The following EYS variants were observed in gnomAD, a reference collection of about 807,000 sequenced individuals.
EYS encodes the protein protein eyes shut homolog.
A neutral mutation model predicts 282.1 loss-of-function variants in EYS; 250 were observed. The ratio of observed to expected loss-of-function variants is 0.89; its 90% CI spans 0.80 to 0.98. EYS has a LOEUF of 0.98. Among genes scored for constraint, EYS ranks in the 50% least tolerant of loss-of-function variants. The pLI, the probability that EYS is intolerant of heterozygous loss-of-function variation, is 0.00. For missense variants in EYS, 4,016 were observed against 3,709.0 expected (o/e 1.08, Z -2.15); for synonymous variants, 1,355 against 1,282.9 (o/e 1.06, Z -1.20).
intron 26 of EYS, among the ~76,000 whole-genome samples, chr6:64,545,392 T>C (rs1258732226): frequency 6.6e-6 from 1 of 152,172 alleles, no homozygotes; most frequent in African/African-American, 2.4e-5. Flanking sequence ...GAGCTATCTA[T>C]GACAAACCCA....
At chr6:64,877,238 T>C (rs1052234425) in intron 19 of EYS, among the ~76,000 whole-genome samples, 7 of 152,248 alleles carry the variant, frequency 4.6e-5, no homozygotes, top group African/African-American at 1.7e-4. Flanking sequence ...TGCCATCCAC[T>C]GAGGTGGACA....
intron 26 of EYS, among the ~76,000 whole-genome samples, chr6:64,482,761 G>T (rs186607427): frequency 6.6e-6 from 1 of 151,636 alleles, no homozygotes; most frequent in Non-Finnish European, 1.5e-5. Context: ...TTTGCATCTG[G>T]TGGGAACTAA....
intron 12 of EYS, among the ~76,000 whole-genome samples, chr6:65,114,701 T>G (rs1189818913): frequency 6.6e-6 from 1 of 151,932 alleles, no homozygotes; most frequent in African/African-American, 2.4e-5. Flanking sequence ...TTATCCCTCT[T>G]TGATGACAGT....
chr6:65,679,661 A>G (rs1015846327), intron 1 of EYS, among the ~76,000 whole-genome samples: 1 of 151,980 alleles, frequency 6.6e-6, no homozygotes, highest in Non-Finnish European at 1.5e-5. Context: ...CTGTATAACT[A>G]AAAAACTGTT....
rs73445180 is a variant in EYS at position 65,429,234 on chromosome 6, A to T, written c.863-23867T>A. The stretch of plus-strand genomic sequence containing the variant: ...TGTAGCAACAGTTAACTGGAAGAGA[A>T]ATTACCAGGGGCCAGTGCATGGTGT... On this transcript the variant is annotated intron_variant, in intron 5 of 42. Transcript: ENST00000503581. Among the ~76,000 whole-genome samples the T allele has an allele frequency of 5.1e-3, 783 of 152,208 alleles. 7 individuals are homozygous for T. Among genetic ancestry groups the T allele is most frequent in the African/African-American group, 0.017 (719 of 41,546 alleles).
rs78215526 is a variant in EYS, at chr6:64,834,999, G to A, written c.2993-12177C>T. ...TCTGATTTAAAATGAGTGGCCCAATGTGTGTTATGCAGAAATAAAAGGAGT... is the reference window on the plus strand; with the variant it reads ...TCTGATTTAAAATGAGTGGCCCAATATGTGTTATGCAGAAATAAAAGGAGT... On this transcript the variant is annotated intron_variant, in intron 19 of 42. Transcript: ENST00000503581. 1.0e-3 allele frequency among the ~76,000 whole-genome samples: 159 copies of A among 151,734 alleles called. 1 individual carries two copies. The highest frequency in any genetic ancestry group is 3.4e-3 in the African/African-American group (143 of 41,464).
At chr6:63,784,974 G>A (rs1054522218) in intron 39 of EYS, among the ~76,000 whole-genome samples, 4 of 152,084 alleles carry the variant, frequency 2.6e-5, no homozygotes, top group African/African-American at 9.7e-5. Flanking sequence ...ATCACCTGAA[G>A]AGCTCATTAA....
chr6:63,881,369 C>A (rs1319219489), intron 35 of EYS, among the ~76,000 whole-genome samples: 1 of 152,158 alleles, frequency 6.6e-6, no homozygotes, highest in Non-Finnish European at 1.5e-5. Context: ...AGAAAAACCT[C>A]TTCTGAGAGA....
chr6:64,008,490 G>C (rs1021096092), intron 33 of EYS, among the ~76,000 whole-genome samples: 2 of 152,158 alleles, frequency 1.3e-5, no homozygotes, highest in South Asian at 4.1e-4. Context: ...GACATGTGCA[G>C]ATTTGATCCT....
At chr6:65,332,225 C>T in intron 11 of EYS, 1 of 575,284 alleles carries the variant, frequency 1.7e-6, no homozygotes, top group Non-Finnish European at 3.2e-6. Flanking sequence ...TTCTGTAATA[C>T]AATTTTTTTC....
intron 5 of EYS, among the ~76,000 whole-genome samples, chr6:65,457,133 T>C (rs1172633856): frequency 2.0e-5 from 3 of 148,046 alleles, no homozygotes; most frequent in African/African-American, 7.3e-5. Context: ...GGTTGTTTTC[T>C]CTCTTTTGTT....
At chr6:65,471,723 T>A (rs1484730922) in intron 5 of EYS, among the ~76,000 whole-genome samples, 1 of 152,162 alleles carries the variant, frequency 6.6e-6, no homozygotes, top group Non-Finnish European at 1.5e-5. Context: ...CTATGAATCA[T>A]AATTATTTGT....
chr6:63,864,715 CA>C (rs1195986452), intron 35 of EYS, among the ~76,000 whole-genome samples: 1 of 152,044 alleles, frequency 6.6e-6, no homozygotes, highest in Admixed American at 6.5e-5. Flanking sequence ...TGTCTATTAG[CA>C]AAAAACATCT....
rs80194219 is a variant in EYS, at chr6:64,454,404, T to C, written c.5645-15052A>G. ...TATAAATATTGAAATTAGCTACATATGCAAGCATCCTATTAAGTTGCATAA... is the reference window on the plus strand; with the variant it reads ...TATAAATATTGAAATTAGCTACATACGCAAGCATCCTATTAAGTTGCATAA... On this transcript the variant is annotated intron_variant, in intron 26 of 42. Transcript: ENST00000503581. Among the ~76,000 whole-genome samples the C allele has an allele frequency of 2.3e-3, 348 of 152,302 alleles. 1 individual carries two copies. The highest frequency in any genetic ancestry group is 4.3e-3 in the Non-Finnish European group (295 of 68,028).
intron 31 of EYS, among the ~76,000 whole-genome samples, chr6:64,222,819 C>A (rs1396279666): frequency 1.3e-5 from 2 of 151,960 alleles, no homozygotes; most frequent in East Asian, 3.9e-4. Flanking sequence ...AGATGAGGGA[C>A]AATAGGCTGA....
intron 31 of EYS, among the ~76,000 whole-genome samples, chr6:64,225,405 C>T (rs1156879039): frequency 6.6e-6 from 1 of 151,778 alleles, no homozygotes; most frequent in African/African-American, 2.4e-5. Context: ...AACCAGCTGA[C>T]TCTGAGATAC....
intron 37 of EYS, among the ~76,000 whole-genome samples, chr6:63,801,539 ATGTATTCATC>A (rs1770782721): frequency 6.6e-6 from 1 of 152,204 alleles, no homozygotes. Context: ...AGGGGAAGTC[ATGTATTCATC>A]TGTGGACTAC....
intron 31 of EYS, among the ~76,000 whole-genome samples, chr6:64,117,027 TA>T (rs1773407987): frequency 6.6e-6 from 1 of 152,100 alleles, no homozygotes; most frequent in East Asian, 1.9e-4. Flanking sequence ...AGAAAATCAA[TA>T]AGGAAAAGTC....
intron 35 of EYS, among the ~76,000 whole-genome samples, chr6:63,959,812 T>G (rs1765975751): frequency 6.6e-6 from 1 of 152,046 alleles, no homozygotes; most frequent in Non-Finnish European, 1.5e-5. Flanking sequence ...AGTTGAACAG[T>G]GAGAACACAT....
Sources: gnomAD v4.1 joint callset for allele counts (sites outside exome capture counted in the v4.1 genomes callset) on GRCh38, gnomAD v4.1.1 for gene constraint, MANE v1.5 for transcripts, NCBI Gene and HGNC (gene_info 2026-07-23, HGNC 2026-07-21) for gene names.